The following MBOAT7 variants were observed in gnomAD, a reference collection of about 807,000 sequenced individuals.
The protein encoded by MBOAT7 is membrane bound acylglycerophosphatidylinositol O-acyltransferase MBOAT7, also known as membrane-bound acylglycerophosphatidylinositol O-acyltransferase MBOAT7.
A neutral mutation model predicts 47.4 loss-of-function variants in MBOAT7; 40 were observed. That is an observed-to-expected ratio of 0.84 (90% CI 0.66 to 1.10). The LOEUF (loss-of-function observed/expected upper bound fraction) is 1.10, where lower values mean the gene tolerates loss of function less well. Ranked by LOEUF, MBOAT7 falls within the 50% of genes least tolerant of loss-of-function variation. MBOAT7 has a pLI of 0.00. For synonymous variants in MBOAT7, 361 were observed against 292.0 expected (o/e 1.24, Z -2.41); for missense variants, 680 against 655.6 (o/e 1.04, Z -0.41).
At chr19:54,185,587 T>C (rs1030377694) in intron 4 of MBOAT7, among the ~76,000 whole-genome samples, 2 of 152,206 alleles carry the variant, frequency 1.3e-5, no homozygotes, top group Non-Finnish European at 2.9e-5. Flanking sequence ...CCACCACAGT[T>C]TGTCACCTGG....
At chr19:54,176,005 G>C (rs1244738833) in intron 7 of MBOAT7, among the ~76,000 whole-genome samples, 1 of 152,108 alleles carries the variant, frequency 6.6e-6, no homozygotes, top group Non-Finnish European at 1.5e-5. Flanking sequence ...TTACAGGCGT[G>C]AGCCACTGCA....
Position 54,178,775 on chromosome 19 carries a change from AG to A in MBOAT7, c.1020del (p.Tyr341MetfsTer11), listed in dbSNP as rs765564429. Reference protein sequence around the residue: ...QYIYKSAPARSYVLRSAWTML... With the variant: ...QYIYKSAPARXYVLRSAWTML... ...GGCGGGCTCACTCACCGCAGGACAT[AG>A]GAACGGGCAGGTGCGCTCTTGTAGA... On this transcript the variant is annotated frameshift_variant, in exon 7 of 8. Coordinates refer to ENST00000245615, the MANE Select transcript of MBOAT7 (RefSeq NM_024298.5). LOFTEE classifies it high-confidence loss of function. 1 of 1,613,290 alleles carries A rather than the reference AG, an allele frequency of 6.2e-7. No homozygotes were observed. The highest frequency in any genetic ancestry group is 1.3e-5 in the African/African-American group (1 of 74,950).
chr19:54,185,001 G>A (rs182652399), intron 4 of MBOAT7, among the ~76,000 whole-genome samples: 51 of 151,786 alleles, frequency 3.4e-4, no homozygotes, highest in Admixed American at 3.0e-3. Context: ...CTTGATGTCA[G>A]GGGTTTGAGA....
intron 7 of MBOAT7, chr19:54,178,314 G>A (rs1380903738): frequency 2.8e-5 from 29 of 1,028,774 alleles, no homozygotes; most frequent in African/African-American, 5.1e-5. Flanking sequence ...TACACAGCAC[G>A]CACTTACCTG....
intron 4 of MBOAT7, among the ~76,000 whole-genome samples, chr19:54,185,522 G>A (rs2076405291): frequency 6.6e-6 from 1 of 152,098 alleles, no homozygotes; most frequent in East Asian, 1.9e-4. Context: ...TCCTAAATGC[G>A]CGTTTCCTGC....
At chr19:54,178,528 T>A in intron 7 of MBOAT7, 2 of 1,420,834 alleles carry the variant, frequency 1.4e-6, no homozygotes, top group South Asian at 3.1e-5. Context: ...AGTACATTGC[T>A]TCTGCTGAGT....
chr19:54,188,445 A>G lies in MBOAT7; in HGVS notation c.64T>C (p.Phe22Leu). The G allele has an allele frequency of 6.4e-7, 1 of 1,560,546 alleles. No individual in the cohort carries two copies. The highest frequency in any genetic ancestry group is 1.2e-5 in the South Asian group (1 of 85,776). Residue 22 changes from phenylalanine to leucine, a missense_variant, in exon 2 of 8, where the codon TTT (phenylalanine) becomes CTT (leucine). Coordinates refer to ENST00000245615, the MANE Select transcript of MBOAT7 (RefSeq NM_024298.5). ...LLISIPIGFLFKKAGPGLKRW... is the reference protein window; with the variant it reads ...LLISIPIGFLLKKAGPGLKRW... ...GAGCCTGACTCACCGGCTTTCTTAA[A>G]GAGGAAGCCGATGGGGATGGAGATA...
intron 4 of MBOAT7, among the ~76,000 whole-genome samples, chr19:54,185,933 TG>T (rs947519184): frequency 9.9e-5 from 15 of 152,024 alleles, no homozygotes; most frequent in African/African-American, 3.6e-4. Context: ...TAACCTCAGG[TG>T]ATCTACCCGC....
chr19:54,189,030 C>A (rs1235995503), intron 1 of MBOAT7, among the ~76,000 whole-genome samples: 3 of 122,004 alleles, frequency 2.5e-5, no homozygotes, highest in African/African-American at 8.0e-5. Context: ...GATATCCGGA[C>A]CCCCCAGCCC....
At position 54,173,877 on chromosome 19, in the gene MBOAT7, G is replaced by C; in HGVS notation, c.*167C>G. 1 of 793,804 alleles carries C rather than the reference G, an allele frequency of 1.3e-6. No homozygotes were observed. Among genetic ancestry groups the C allele is most frequent in the Middle Eastern group, 3.9e-4 (1 of 2,590 alleles). 49.2% of individuals were successfully genotyped at this position (793,804 alleles called of 1,614,324 possible). A position where few individuals can be genotyped will look rare whatever the true frequency, so the allele number is the denominator to read the frequency against. ...GGAGGTGGCCTCTGGGCAGAGGGCA[G>C]GGAGGACACCCCCGGGTCTGCTTCA... On this transcript the variant is annotated 3_prime_UTR_variant, in exon 8 of 8. Transcript: ENST00000245615.
At chr19:54,174,715 C>T (rs966715812) in intron 7 of MBOAT7, among the ~76,000 whole-genome samples, 1 of 149,218 alleles carries the variant, frequency 6.7e-6, no homozygotes, top group African/African-American at 2.4e-5. Context: ...CCCTCAGATC[C>T]AGGAGACCAG....
intron 4 of MBOAT7, among the ~76,000 whole-genome samples, chr19:54,185,845 G>A (rs34259620): frequency 3.0e-4 from 45 of 151,106 alleles, no homozygotes; most frequent in African/African-American, 1.0e-3. Context: ...ACAGGTGTGA[G>A]CCACCACACC....
At position 54,183,469 on chromosome 19, in the gene MBOAT7, G is replaced by A; in HGVS notation, c.493+52C>T. 3 of 1,582,696 alleles carry A rather than the reference G, an allele frequency of 1.9e-6. No individual in the cohort carries two copies. The South Asian group carries it at 3.5e-5, about 18-fold the overall frequency. ...GAACACAGAACAGGCACTCAGGGCG[G>A]AAGGGGACACAGGAGACAGAGCGGC... On this transcript the variant is annotated intron_variant, in intron 5 of 7. Transcript: ENST00000245615.
At chr19:54,181,177 G>T in intron 5 of MBOAT7, 44 bp from the exon 6 acceptor site, 1 of 1,448,298 alleles carries the variant, frequency 6.9e-7, no homozygotes, top group Non-Finnish European at 9.1e-7. Context: ...AGGCAGGTGG[G>T]CAGAGCTCAA....
At chr19:54,185,299 C>A (rs868622014) in intron 4 of MBOAT7, among the ~76,000 whole-genome samples, 1 of 152,156 alleles carries the variant, frequency 6.6e-6, no homozygotes, top group Non-Finnish European at 1.5e-5. Flanking sequence ...CTCCAGCAGT[C>A]CTCCCACTAT....
chr19:54,180,574 A>G lies in MBOAT7; in HGVS notation c.854+199T>C. 1.7e-6 allele frequency: 1 copy of G among 577,534 alleles called. No individual in the cohort carries two copies. The highest frequency in any genetic ancestry group is 3.0e-6 in the Non-Finnish European group (1 of 333,088). 35.8% of individuals were successfully genotyped at this position (577,534 alleles called of 1,614,324 possible). On this transcript the variant is annotated intron_variant, in intron 6 of 7. Coordinates refer to ENST00000245615, the MANE Select transcript of MBOAT7 (RefSeq NM_024298.5). This position sits in a 1 kb window ranked among gnomAD's most constrained non-coding sequence, Gnocchi z 5.2. Reference sequence around the variant, plus strand: ...TGCGGGGTGACAAGCGCTAGCAACAAGGGGCATCTGTCAGTACCAGGGATC... The same window carrying G: ...TGCGGGGTGACAAGCGCTAGCAACAGGGGGCATCTGTCAGTACCAGGGATC...
rs556273532 is a variant in MBOAT7, at chr19:54,175,045, G to T, written c.1032-614C>A. ...GGCTAGAGTGCAGTGGCGCGATCTTGGCTCACTGCAAGCTCCGCCTCCCAG... is the reference window on the plus strand; with the variant it reads ...GGCTAGAGTGCAGTGGCGCGATCTTTGCTCACTGCAAGCTCCGCCTCCCAG... On this transcript the variant is annotated intron_variant, in intron 7 of 7. Transcript: ENST00000245615. Among the ~76,000 whole-genome samples, 318 of 143,920 alleles carry T rather than the reference G, an allele frequency of 2.2e-3. 1 individual carries two copies. Among genetic ancestry groups the T allele is most frequent in the African/African-American group, 7.6e-3 (296 of 38,948 alleles). The allele number at this position is 143,920 out of a possible 152,430, so 94.4% of individuals were successfully genotyped here.
At chr19:54,184,447 T>C (rs2076375830) in intron 4 of MBOAT7, among the ~76,000 whole-genome samples, 1 of 152,086 alleles carries the variant, frequency 6.6e-6, no homozygotes, top group Admixed American at 6.6e-5. Context: ...TCAATAGATC[T>C]CCTTCTTCCA....
intron 7 of MBOAT7, among the ~76,000 whole-genome samples, chr19:54,176,987 C>T (rs942835118): frequency 2.0e-5 from 3 of 151,770 alleles, no homozygotes; most frequent in African/African-American, 7.3e-5. Flanking sequence ...GTTGGGAGGC[C>T]GAGGCACGCG....
Sources: gnomAD v4.1 joint callset for allele counts (sites outside exome capture counted in the v4.1 genomes callset) on GRCh38, gnomAD v4.1.1 for gene constraint, Gnocchi (gnomAD v3.1) non-coding constraint, MANE v1.5 for transcripts, NCBI Gene and HGNC (gene_info 2026-07-23, HGNC 2026-07-21) for gene names.